CADM1: variants seen among roughly 807,000 people sequenced by gnomAD.
CADM1 encodes the protein cell adhesion molecule 1, also known as TSLC-1.
CADM1 carries 15 observed loss-of-function variants against 53.1 expected under a neutral mutation model. The ratio of observed to expected loss-of-function variants is 0.28; its 90% CI spans 0.19 to 0.44. The LOEUF (loss-of-function observed/expected upper bound fraction) is 0.44, where lower values mean the gene tolerates loss of function less well. Among genes scored for constraint, CADM1 ranks in the 20% least tolerant of loss-of-function variants. The probability of loss-of-function intolerance (pLI) is 1.00; values close to 1 mark genes in which losing one functional copy is unlikely to be tolerated. For missense variants in CADM1, 434 were observed against 611.3 expected (o/e 0.71, Z 3.06); for synonymous variants, 281 against 243.0 (o/e 1.16, Z -1.45).
chr11:115,184,238 T>C (rs1335879999), intron 10 of CADM1, among the ~76,000 whole-genome samples: 1 of 152,168 alleles, frequency 6.6e-6, no homozygotes, highest in Non-Finnish European at 1.5e-5. Context: ...TGGCACCATC[T>C]GAAAAATGTA....
chr11:115,213,172 G>T (rs138819885), intron 7 of CADM1, among the ~76,000 whole-genome samples: 2 of 152,120 alleles, frequency 1.3e-5, no homozygotes, highest in East Asian at 1.9e-4. Context: ...CCCATGAGGC[G>T]CAGGCCCTTG....
At chr11:115,475,688 C>T (rs1244619862) in intron 1 of CADM1, among the ~76,000 whole-genome samples, 3 of 152,066 alleles carry the variant, frequency 2.0e-5, no homozygotes, top group African/African-American at 7.2e-5. Flanking sequence ...AAATTGCATC[C>T]AGTATGATTC....
At chr11:115,381,341 A>G (rs1205471815) in intron 1 of CADM1, among the ~76,000 whole-genome samples, 1 of 152,112 alleles carries the variant, frequency 6.6e-6, no homozygotes, top group Non-Finnish European at 1.5e-5. Flanking sequence ...AAGACTGTGC[A>G]AAATGCAATT....
At chr11:115,191,108 TA>T (rs1347358594) in intron 9 of CADM1, 167 bp from the exon 10 acceptor site, 2 of 624,274 alleles carry the variant, frequency 3.2e-6, no homozygotes, top group East Asian at 5.6e-5. Flanking sequence ...TTCAATTATG[TA>T]ATTTTGTTCT....
At chr11:115,289,872 G>A (rs1342781810) in intron 1 of CADM1, among the ~76,000 whole-genome samples, 1 of 152,106 alleles carries the variant, frequency 6.6e-6, no homozygotes, top group East Asian at 1.9e-4. Context: ...TGGGATTACA[G>A]GCGTGAACCA....
intron 1 of CADM1, among the ~76,000 whole-genome samples, chr11:115,370,453 C>T (rs949664907): frequency 6.6e-6 from 1 of 152,098 alleles, no homozygotes; most frequent in Non-Finnish European, 1.5e-5. Context: ...AAGGGTGAGG[C>T]CCTCATGATG....
chr11:115,365,189 T>A (rs1946126629), intron 1 of CADM1, among the ~76,000 whole-genome samples: 1 of 152,206 alleles, frequency 6.6e-6, no homozygotes, highest in African/African-American at 2.4e-5. Context: ...TCCAACTGTA[T>A]GAATTAAATA....
At chr11:115,480,675 G>A (rs565032340) in intron 1 of CADM1, among the ~76,000 whole-genome samples, 1 of 152,232 alleles carries the variant, frequency 6.6e-6, no homozygotes, top group Admixed American at 6.5e-5. Flanking sequence ...AGCCTCAGCT[G>A]GTTGCTTCCT....
At chr11:115,262,928 G>A (rs778813957) in intron 1 of CADM1, among the ~76,000 whole-genome samples, 12 of 151,890 alleles carry the variant, frequency 7.9e-5, no homozygotes, top group Non-Finnish European at 1.6e-4. Context: ...ATTTAGCTGT[G>A]GTACAGTTAC....
rs1265078497 is a variant in CADM1 at position 115,314,271 on chromosome 11, GAGA to G, written c.125-73854_125-73852del. Among the ~76,000 whole-genome samples the G allele has an allele frequency of 3.3e-5, 5 of 152,122 alleles. No homozygotes were observed. In the South Asian group the frequency reaches 8.3e-4, roughly 25 times the overall value. Reference sequence around the variant, plus strand: ...GGGCACATGGGGGGACACTGGGGGAGAGAAGAACAGTCAGGAGCCACTAAACAA... The same window carrying G: ...GGGCACATGGGGGGACACTGGGGGAGAGAACAGTCAGGAGCCACTAAACAA... On this transcript the variant is annotated intron_variant, in intron 1 of 11. Transcript: ENST00000331581.
chr11:115,317,111 C>T (rs1164163497), intron 1 of CADM1, among the ~76,000 whole-genome samples: 1 of 152,150 alleles, frequency 6.6e-6, no homozygotes, highest in Non-Finnish European at 1.5e-5. Context: ...CCTTCAATGA[C>T]TTTTAAAAAC....
At position 115,217,930 on chromosome 11, in the gene CADM1, G is replaced by T. The variant is rs776038452; in HGVS notation, c.783C>A (p.Asp261Glu). The change falls in exon 6 of 12, where the codon GAC becomes GAA. Residue 261 changes from aspartate (D) to glutamate (E), a missense_variant. Around this residue, in one of 4 missense-constraint regions of CADM1, gnomAD observed 311 missense variants for 435.1 expected, o/e 0.71. Transcript: ENST00000331581. ...YPLQGLTREG[D>E]ALELTCEAIG... ...TGGCTTCACATGTTAACTCAAGCGCGTCCCCTTCCCGGGTTAAGCCTTGTA... is the reference window on the plus strand; with the variant it reads ...TGGCTTCACATGTTAACTCAAGCGCTTCCCCTTCCCGGGTTAAGCCTTGTA... 1 of 1,613,632 alleles carries T rather than the reference G, an allele frequency of 6.2e-7. No individual in the cohort carries two copies. The highest frequency in any genetic ancestry group is 1.7e-5 in the Admixed American group (1 of 59,992).
intron 1 of CADM1, among the ~76,000 whole-genome samples, chr11:115,328,932 T>G (rs1945059429): frequency 6.6e-6 from 1 of 150,456 alleles, no homozygotes; most frequent in Admixed American, 6.7e-5. Flanking sequence ...GATTCTGTTT[T>G]CTATATTAAC....
At chr11:115,393,139 T>C (rs1946886004) in intron 1 of CADM1, among the ~76,000 whole-genome samples, 1 of 148,830 alleles carries the variant, frequency 6.7e-6, no homozygotes, top group Non-Finnish European at 1.5e-5. Flanking sequence ...TTAATTATTA[T>C]ATAGTCTTTA....
In CADM1 at chr11:115,175,476, G is replaced by A. The variant is rs765865944; in HGVS notation, c.*998C>T. ...GTGAGAAGTAAGGCCGATTGGGAAA[G>A]GTGGATGGAATCATTTGGAACAGAA... On this transcript the variant is annotated 3_prime_UTR_variant, in exon 12 of 12. Coordinates refer to ENST00000331581, the MANE Select transcript of CADM1 (RefSeq NM_001301043.2). 67 of 985,460 alleles carry A rather than the reference G, an allele frequency of 6.8e-5. No homozygotes were observed. Among genetic ancestry groups the A allele is most frequent in the Non-Finnish European group, 7.2e-5 (60 of 829,942 alleles). The allele number at this position is 985,460 out of a possible 1,614,324, so 61.0% of individuals were successfully genotyped here. A position where few individuals can be genotyped will look rare whatever the true frequency, so the allele number is the denominator to read the frequency against.
intron 2 of CADM1, among the ~76,000 whole-genome samples, chr11:115,240,050 A>C (rs1942167725): frequency 6.6e-6 from 1 of 152,192 alleles, no homozygotes; most frequent in Admixed American, 6.5e-5. Context: ...TACTACAATC[A>C]ATTTCTATTG....
chr11:115,295,550 A>ATATAT (rs371584699), intron 1 of CADM1, among the ~76,000 whole-genome samples: 2 of 53,004 alleles, frequency 3.8e-5, no homozygotes, highest in African/African-American at 2.7e-4. Context: ...ATATATATAT[A>ATATAT]ATATATATGT....
chr11:115,367,757 T>C (rs1365047598), intron 1 of CADM1, among the ~76,000 whole-genome samples: 1 of 152,038 alleles, frequency 6.6e-6, no homozygotes, highest in African/African-American at 2.4e-5. Flanking sequence ...TGGAAATGCT[T>C]AGAATTTCTT....
At chr11:115,334,024 T>C (rs1945198671) in intron 1 of CADM1, among the ~76,000 whole-genome samples, 1 of 152,180 alleles carries the variant, frequency 6.6e-6, no homozygotes, top group Non-Finnish European at 1.5e-5. Flanking sequence ...AAATGTTCAT[T>C]ATGCATGAGC....
Sources: gnomAD v4.1 joint callset for allele counts (sites outside exome capture counted in the v4.1 genomes callset) on GRCh38, gnomAD v4.1.1 for gene constraint, gnomAD v4.1.1 regional missense constraint, MANE v1.5 for transcripts, NCBI Gene and HGNC (gene_info 2026-07-23, HGNC 2026-07-21) for gene names.